Variants in KLHL5 observed in about 807,000 individuals in gnomAD.
KLHL5 encodes kelch like family member 5.
Under a neutral mutation model 77.7 loss-of-function variants are expected in KLHL5, and 48 were observed. The ratio of observed to expected loss-of-function variants is 0.62; its 90% confidence interval spans 0.49 to 0.79. The LOEUF is 0.79. KLHL5 is among the 30% of genes least tolerant of loss of function. KLHL5 has a pLI of 0.00. For synonymous variants in KLHL5, 260 were observed against 297.0 expected (o/e 0.88, Z 1.28); for missense variants, 723 against 859.7 (o/e 0.84, Z 1.99).
At chr4:39,133,982 G>A in the KLHL5 span, 3 of 152,142 alleles carry the variant, frequency 2.0e-5, no homozygotes, top group Admixed American at 6.5e-5. Flanking sequence ...TGAGGCCTCC[G>A]AGAGGATGAG....
intron 1 of KLHL5, among the ~76,000 whole-genome samples, chr4:39,055,283 G>A (rs182823468): frequency 1.3e-5 from 2 of 152,332 alleles, no homozygotes; most frequent in East Asian, 3.9e-4. Context: ...TGTTTTCATG[G>A]TGAGACTTTC....
In KLHL5 at chr4:39,062,902, A is replaced by G. The variant is rs1560408265; in HGVS notation, c.250A>G (p.Met84Val). The part of the protein sequence containing the change: ...LDFQNSPSWP[M>V]ASTSEVPAFE... ...TTTTCAGAATTCACCTTCTTGGCCA[A>G]TGGCATCCACCTCTGAAGTCCCTGC... Residue 84 changes from methionine (M) to valine (V), a missense_variant, in exon 1 of 11, where the codon ATG (methionine) becomes GTG (valine). Coordinates refer to ENST00000504108, the MANE Select transcript of KLHL5 (RefSeq NM_015990.5). 3.7e-6 allele frequency: 6 copies of G among 1,614,180 alleles called. No individual in the cohort carries two copies. Among genetic ancestry groups the G allele is most frequent in the African/African-American group, 2.7e-5 (2 of 75,050 alleles).
the KLHL5 span, among the ~76,000 whole-genome samples, chr4:39,141,844 G>A: frequency 6.6e-6 from 1 of 152,138 alleles, no homozygotes; most frequent in Non-Finnish European, 1.5e-5. Flanking sequence ...GCCACAATTC[G>A]ACTATGTGAA....
At chr4:39,083,051 G>T (rs1001915000) in intron 4 of KLHL5, among the ~76,000 whole-genome samples, 5 of 152,106 alleles carry the variant, frequency 3.3e-5, no homozygotes, top group Non-Finnish European at 7.4e-5. Flanking sequence ...TACAGTTATG[G>T]ATATTACCAA....
chr4:39,107,749 G>T lies in KLHL5; in HGVS notation c.1688+18G>T. On this transcript the variant is annotated intron_variant, in intron 8 of 10. Coordinates refer to ENST00000504108, the MANE Select transcript of KLHL5 (RefSeq NM_015990.5). ...AGTGGAAAGTAAGGAAATATTTAAA[G>T]TTCCATTTAAAATGCAATACACCAA... The T allele has an allele frequency of 6.4e-7, 1 of 1,560,292 alleles. No homozygotes were observed. The highest frequency in any genetic ancestry group is 1.7e-5 in the Admixed American group (1 of 57,994).
Position 39,103,380 on chromosome 4 carries a change from T to TG in KLHL5, c.1395dup (p.Leu466AlafsTer3). ...AGGAGGCTACAGTTCGGTGTTGCAG[T>TG]GCTAGATGACAAACTGTATGTGGTT... On this transcript the variant is annotated frameshift_variant, in exon 7 of 11. Coordinates refer to ENST00000504108, the MANE Select transcript of KLHL5 (RefSeq NM_015990.5). LOFTEE classifies it high-confidence loss of function. The TG allele has an allele frequency of 6.2e-7, 1 of 1,614,148 alleles. No individual in the cohort carries two copies. Among genetic ancestry groups the TG allele is most frequent in the Non-Finnish European group, 8.5e-7 (1 of 1,180,000 alleles).
chr4:39,142,948 C>T, the KLHL5 span, among the ~76,000 whole-genome samples: 1 of 152,060 alleles, frequency 6.6e-6, no homozygotes, highest in Admixed American at 6.6e-5. Context: ...AGGGATAGCT[C>T]TAGGGAGTCT....
the KLHL5 span, among the ~76,000 whole-genome samples, chr4:39,136,945 G>A: frequency 6.6e-6 from 1 of 152,192 alleles, no homozygotes; most frequent in African/African-American, 2.4e-5. Context: ...CATCTGGGCC[G>A]GAGTGGGTGT....
intron 1 of KLHL5, among the ~76,000 whole-genome samples, chr4:39,055,664 A>C (rs1183798633): frequency 1.3e-5 from 2 of 152,220 alleles, no homozygotes; most frequent in Non-Finnish European, 2.9e-5. Context: ...GTTTCATCTG[A>C]AAAGGGGGCT....
chr4:39,098,208 G>A (rs1177675704), intron 6 of KLHL5, among the ~76,000 whole-genome samples: 1 of 151,844 alleles, frequency 6.6e-6, no homozygotes, highest in Non-Finnish European at 1.5e-5. Flanking sequence ...TCATTTTGAG[G>A]AAGATACACT....
Position 39,122,399 on chromosome 4 carries a change from A to C in KLHL5, c.*1333A>C, listed in dbSNP as rs1274603260. Reference sequence around the variant, plus strand: ...TATAGCTAAGGAAATTGGGGTACAGAGAAGTTAGCCCCAAGGTTATATATT... The same window carrying C: ...TATAGCTAAGGAAATTGGGGTACAGCGAAGTTAGCCCCAAGGTTATATATT... On this transcript the variant is annotated 3_prime_UTR_variant, in exon 11 of 11. Transcript: ENST00000504108. 6.6e-6 allele frequency among the ~76,000 whole-genome samples: 1 copy of C among 152,198 alleles called. No individual in the cohort carries two copies. Among genetic ancestry groups the C allele is most frequent in the African/African-American group, 2.4e-5 (1 of 41,446 alleles).
Position 39,121,002 on chromosome 4 carries a change from CT to C in KLHL5, c.2074-3del, listed in dbSNP as rs1560445657. On this transcript the variant is annotated splice_region_variant and splice_polypyrimidine_tract_variant and intron_variant, in intron 10 of 10. Transcript: ENST00000504108. ...CAGATCCAATACATATCTCTTTTTC[CT>C]TTTTAGGTTGCTCCACTGTGCCTAG... The C allele has an allele frequency of 1.2e-6, 2 of 1,610,440 alleles. No individual in the cohort carries two copies. Among genetic ancestry groups the C allele is most frequent in the Non-Finnish European group, 1.7e-6 (2 of 1,177,042 alleles).
chr4:39,102,064 TAAA>T (rs1219671660), intron 6 of KLHL5, among the ~76,000 whole-genome samples: 2 of 150,510 alleles, frequency 1.3e-5, no homozygotes, highest in African/African-American at 2.4e-5. Flanking sequence ...TAAAAAATAA[TAAA>T]AACTATAACA....
intron 6 of KLHL5, 130 bp from the exon 7 acceptor site, chr4:39,103,157 A>C: frequency 1.3e-6 from 1 of 756,814 alleles, no homozygotes; most frequent in Non-Finnish European, 2.1e-6. Flanking sequence ...ATCATGCAGG[A>C]CCTTCATGAA....
chr4:39,077,702 AAAAAAAAC>A (rs1320898654), intron 2 of KLHL5, among the ~76,000 whole-genome samples: 17 of 151,258 alleles, frequency 1.1e-4, no homozygotes, highest in Admixed American at 3.9e-4. Flanking sequence ...GGTAAAAAAA[AAAAAAAAC>A]AAAAAACAAA....
chr4:39,075,095 G>C (rs1447020025), intron 1 of KLHL5, among the ~76,000 whole-genome samples: 2 of 152,122 alleles, frequency 1.3e-5, no homozygotes, highest in African/African-American at 4.8e-5. Flanking sequence ...ACTTTGGGAG[G>C]CTGAGGTGGG....
downstream of KLHL5, among the ~76,000 whole-genome samples, chr4:39,129,039 C>T (rs1723690543): frequency 6.6e-6 from 1 of 151,972 alleles, no homozygotes; most frequent in East Asian, 1.9e-4. The surrounding 1 kb of genome is among the most constrained non-coding windows in gnomAD (Gnocchi z 4.2). Context: ...GGCCCCCATA[C>T]ACTCAGTCCA....
At chr4:39,101,618 C>T (rs1015908712) in intron 6 of KLHL5, among the ~76,000 whole-genome samples, 7 of 151,864 alleles carry the variant, frequency 4.6e-5, no homozygotes, top group East Asian at 1.9e-4. Context: ...GAGGCCAAGG[C>T]GGGAGGATCA....
intron 9 of KLHL5, among the ~76,000 whole-genome samples, chr4:39,113,496 T>C (rs1722609532): frequency 6.6e-6 from 1 of 152,196 alleles, no homozygotes; most frequent in South Asian, 2.1e-4. Context: ...TGATGAATTT[T>C]AGGCAGAATG....
Sources: allele counts gnomAD v4.1 joint callset (sites outside exome capture counted in the v4.1 genomes callset), GRCh38; gene constraint gnomAD v4.1.1; non-coding constraint Gnocchi (gnomAD v3.1); transcripts MANE v1.5; gene names NCBI Gene and HGNC (gene_info 2026-07-23, HGNC 2026-07-21).